EPAS1: variants seen among roughly 807,000 people sequenced by gnomAD.
The protein encoded by EPAS1 is endothelial PAS domain protein 1.
Under a neutral mutation model 87.9 loss-of-function variants are expected in EPAS1, and 23 were observed. That is an observed-to-expected ratio of 0.26 (90% CI 0.19 to 0.37). EPAS1 has a LOEUF of 0.37. Among genes scored for constraint, EPAS1 ranks in the 10% least tolerant of loss-of-function variants. The pLI is 1.00. For synonymous variants in EPAS1, 508 were observed against 444.3 expected, an observed-to-expected ratio of 1.14 and a Z score of -1.80; for missense variants, 1,138 against 1,120.7, an observed-to-expected ratio of 1.02 and a Z score of -0.22.
Position 46,356,143 on chromosome 2 carries a change from C to G in EPAS1, c.218-8C>G. On this transcript the variant is annotated splice_polypyrimidine_tract_variant and splice_region_variant and intron_variant, in intron 2 of 15. Coordinates refer to ENST00000263734, the MANE Select transcript of EPAS1 (RefSeq NM_001430.5). ...CATGCAAGCTGTCCCACCCCCCCCC[C>G]TTTCCAGTTTGCTCTGAAAACGAGT... 2 of 1,156,938 alleles carry G rather than the reference C, an allele frequency of 1.7e-6. No individual in the cohort carries two copies. The highest frequency in any genetic ancestry group is 1.2e-6 in the Non-Finnish European group (1 of 809,396). 71.7% of individuals were successfully genotyped at this position (1,156,938 alleles called of 1,614,324 possible).
intron 4 of EPAS1, among the ~76,000 whole-genome samples, chr2:46,358,505 C>T (rs1043671996): frequency 2.0e-5 from 3 of 152,232 alleles, no homozygotes; most frequent in African/African-American, 7.2e-5. Context: ...CCTTTGGGTT[C>T]TTAGTGTCAG....
At chr2:46,337,736 G>A (rs1683823650) in intron 1 of EPAS1, among the ~76,000 whole-genome samples, 1 of 152,308 alleles carries the variant, frequency 6.6e-6, no homozygotes, top group South Asian at 2.1e-4. Flanking sequence ...ATCAGATCTG[G>A]TAACAGCCTG....
chr2:46,367,237 A>G (rs2103648313), intron 6 of EPAS1, among the ~76,000 whole-genome samples: 2 of 152,360 alleles, frequency 1.3e-5, no homozygotes, highest in Middle Eastern at 6.8e-3. Context: ...TACTTTGAAC[A>G]TTTTAATTTA....
At chr2:46,341,952 C>T (rs1683921238) in intron 1 of EPAS1, among the ~76,000 whole-genome samples, 1 of 152,158 alleles carries the variant, frequency 6.6e-6, no homozygotes, top group Non-Finnish European at 1.5e-5. Flanking sequence ...TCTCCAAAAA[C>T]ATTTAAGTCC....
chr2:46,308,054 T>G (rs1683141804), intron 1 of EPAS1, among the ~76,000 whole-genome samples: 1 of 152,138 alleles, frequency 6.6e-6, no homozygotes, highest in Non-Finnish European at 1.5e-5. Context: ...TATCGCCCAT[T>G]CACCATCATT....
chr2:46,356,446 C>T, intron 3 of EPAS1, 144 bp downstream of exon 3: 2 of 1,046,978 alleles, frequency 1.9e-6, no homozygotes, highest in Non-Finnish European at 1.4e-6. Flanking sequence ...CCACACGCCT[C>T]AGGCCACGCT....
chr2:46,308,460 TG>T lies in EPAS1; in HGVS notation c.26+10534del, dbSNP rs3053639. 2.9e-3 allele frequency among the ~76,000 whole-genome samples: 314 copies of T among 109,156 alleles called. 11 individuals carry two copies. The highest frequency in any genetic ancestry group is 5.5e-3 in the Admixed American group (58 of 10,470). 71.6% of individuals were successfully genotyped at this position (109,156 alleles called of 152,430 possible). On this transcript the variant is annotated intron_variant, in intron 1 of 15. Transcript: ENST00000263734. ...CCCTAATACCTTGCTTGCTTTTTTT[TG>T]GGGGGGGGGGCTCTGAAATCATGCT...
In EPAS1 at chr2:46,337,012, G is replaced by A. The variant is rs547068913; in HGVS notation, c.27-9861G>A. 8.6e-4 allele frequency among the ~76,000 whole-genome samples: 131 copies of A among 152,214 alleles called. 1 individual carries two copies. The highest frequency in any genetic ancestry group is 2.5e-3 in the South Asian group (12 of 4,832). On this transcript the variant is annotated intron_variant, in intron 1 of 15. Transcript: ENST00000263734. ...GGGTGACTCTTCCCAGATGGAAACC[G>A]TCTATTCTAATTAAGAGCCGGGTTA...
chr2:46,312,738 A>T (rs1683239228), intron 1 of EPAS1, among the ~76,000 whole-genome samples: 1 of 152,078 alleles, frequency 6.6e-6, no homozygotes, highest in Non-Finnish European at 1.5e-5. Context: ...TATCAGTTCT[A>T]TTTTTGCCCA....
rs1160219110 is a variant in EPAS1 at position 46,382,230 on chromosome 2, C to T, written c.2287+141C>T. 7 of 1,045,310 alleles carry T rather than the reference C, an allele frequency of 6.7e-6. No homozygotes were observed. In the South Asian group the frequency reaches 6.7e-5, roughly 10 times the overall value. The allele number at this position is 1,045,310 out of a possible 1,614,324, so 64.8% of individuals were successfully genotyped here. A position where few individuals can be genotyped will look rare whatever the true frequency, so the allele number is the denominator to read the frequency against. On this transcript the variant is annotated intron_variant, in intron 14 of 15. Coordinates refer to ENST00000263734, the MANE Select transcript of EPAS1 (RefSeq NM_001430.5). ...GTTAGAATGGGGCGATGTCCTCTGT[C>T]TCTCCCGCAGTCCCACACACCCAAC...
intron 1 of EPAS1, among the ~76,000 whole-genome samples, chr2:46,339,397 T>C (rs1370754821): frequency 6.6e-6 from 1 of 152,228 alleles, no homozygotes; most frequent in Non-Finnish European, 1.5e-5. Context: ...CCAGTGCTGC[T>C]TGTCAGCAGG....
intron 1 of EPAS1, among the ~76,000 whole-genome samples, chr2:46,332,997 C>G (rs189762288): frequency 6.6e-6 from 1 of 152,168 alleles, no homozygotes; most frequent in African/African-American, 2.4e-5. Flanking sequence ...AGCTGGCTCA[C>G]GAAACACACC....
At chr2:46,352,586 C>A (rs1684191547) in intron 2 of EPAS1, among the ~76,000 whole-genome samples, 1 of 152,198 alleles carries the variant, frequency 6.6e-6, no homozygotes, top group Non-Finnish European at 1.5e-5. Flanking sequence ...TGACATGAGC[C>A]TCCACGGTGA....
At position 46,381,720 on chromosome 2, in the gene EPAS1, G is replaced by A. The variant is rs369874127; in HGVS notation, c.2170G>A (p.Gly724Arg). Residue 724 changes from glycine to arginine, a missense_variant and splice_region_variant, in exon 13 of 16, where the codon GGG becomes AGG. Gly to Arg is a moderately radical substitution (Grantham distance 125, BLOSUM62 -2). Coordinates refer to ENST00000263734, the MANE Select transcript of EPAS1 (RefSeq NM_001430.5). ...AGAGCAAGCCTTCCAGGACCTGAGC[G>A]GGGTGAGTCATCCCCACTGGCCACA... ...YEEQAFQDLS[G>R]GDPPGGSTSH... The A allele has an allele frequency of 2.3e-5, 37 of 1,613,668 alleles. No homozygotes were observed. Among genetic ancestry groups the A allele is most frequent in the Middle Eastern group, 1.6e-4 (1 of 6,080 alleles).
At position 46,375,203 on chromosome 2, in the gene EPAS1, A is replaced by T. The variant is rs1355878028; in HGVS notation, c.887-487A>T. Among the ~76,000 whole-genome samples, 1 of 151,704 alleles carries T rather than the reference A, an allele frequency of 6.6e-6. No homozygotes were observed. Among genetic ancestry groups the T allele is most frequent in the African/African-American group, 2.4e-5 (1 of 41,326 alleles). On this transcript the variant is annotated intron_variant, in intron 7 of 15. Coordinates refer to ENST00000263734, the MANE Select transcript of EPAS1 (RefSeq NM_001430.5). The surrounding 1 kb of genome is among the most constrained non-coding windows in gnomAD (Gnocchi z 4.1). ...GAAAAAAAAAAACAAAAAAAAACAA[A>T]AAAAACTGCCCTGAGGTCAGGCTTT... is the stretch of plus-strand genomic sequence containing the variant.
intron 6 of EPAS1, among the ~76,000 whole-genome samples, chr2:46,366,575 C>G (rs901724988): frequency 2.0e-5 from 3 of 152,204 alleles, no homozygotes; most frequent in African/African-American, 7.2e-5. Context: ...ATCCTCTGTT[C>G]TTATGTTTGA....
At position 46,384,715 on chromosome 2, in the gene EPAS1, T is replaced by A; in HGVS notation, c.*55T>A. On this transcript the variant is annotated 3_prime_UTR_variant, in exon 16 of 16. Transcript: ENST00000263734. ...GCCGACGCCGTCCCACCAGCTTCACTCTCTCCGTCTGTTTTTGCAACTAGG... is the reference window on the plus strand; with the variant it reads ...GCCGACGCCGTCCCACCAGCTTCACACTCTCCGTCTGTTTTTGCAACTAGG... The A allele has an allele frequency of 6.3e-7, 1 of 1,596,718 alleles. No homozygotes were observed.
chr2:46,330,415 C>T lies in EPAS1; in HGVS notation c.27-16458C>T, dbSNP rs141422790. Among the ~76,000 whole-genome samples the T allele has an allele frequency of 5.1e-4, 77 of 152,354 alleles. 1 individual carries two copies. In the East Asian group the frequency reaches 0.014, roughly 27 times the overall value. On this transcript the variant is annotated intron_variant, in intron 1 of 15. Transcript: ENST00000263734. ...GGCTCTCTCAAGTCCAGGCTACCTT[C>T]TGCCCAGCACCTACTTAGTGTAGCT...
Position 46,360,873 on chromosome 2 carries a change from C to T in EPAS1, c.574-12C>T, listed in dbSNP as rs757261394. 49 of 1,614,026 alleles carry T rather than the reference C, an allele frequency of 3.0e-5. No individual in the cohort carries two copies. The Middle Eastern group carries it at 6.6e-4, about 22-fold the overall frequency. On this transcript the variant is annotated splice_polypyrimidine_tract_variant and intron_variant, in intron 5 of 15. Coordinates refer to ENST00000263734, the MANE Select transcript of EPAS1 (RefSeq NM_001430.5). This position sits in a 1 kb window ranked among gnomAD's most constrained non-coding sequence, Gnocchi z 4.5. ...CTCGGCTCCATGTCTGACCCTTCCACGCCTGTCTCAGGTCTTGCACTGCAC... is the reference window on the plus strand; with the variant it reads ...CTCGGCTCCATGTCTGACCCTTCCATGCCTGTCTCAGGTCTTGCACTGCAC...
Sources: allele counts gnomAD v4.1 joint callset (sites outside exome capture counted in the v4.1 genomes callset), GRCh38; gene constraint gnomAD v4.1.1; non-coding constraint Gnocchi (gnomAD v3.1); transcripts MANE v1.5; gene names NCBI Gene and HGNC (gene_info 2026-07-23, HGNC 2026-07-21).